The following PTPRT variants were observed in gnomAD, a reference collection of about 807,000 sequenced individuals.
PTPRT encodes the protein protein tyrosine phosphatase receptor type T, also known as receptor-type tyrosine-protein phosphatase T.
Under a neutral mutation model 176.8 loss-of-function variants are expected in PTPRT, and 56 were observed. That is an observed-to-expected ratio of 0.32 (90% CI 0.26 to 0.40). PTPRT has a LOEUF of 0.40. Among genes scored for constraint, PTPRT ranks in the 10% least tolerant of loss-of-function variants. The pLI, the probability that PTPRT is intolerant of heterozygous loss-of-function variation, is 1.00. For synonymous variants in PTPRT, 783 were observed against 739.0 expected, an observed-to-expected ratio of 1.06 and a Z score of -0.96; for missense variants, 1,540 against 1,908.2, an observed-to-expected ratio of 0.81 and a Z score of 3.60.
intron 6 of PTPRT, among the ~76,000 whole-genome samples, chr20:42,678,815 C>T (rs1438179768): frequency 2.0e-5 from 3 of 152,192 alleles, no homozygotes; most frequent in Non-Finnish European, 4.4e-5. Context: ...AAAGGAAAAC[C>T]TGCTTTTGCT....
At chr20:42,796,930 A>C (rs1189358193) in intron 2 of PTPRT, among the ~76,000 whole-genome samples, 1 of 152,228 alleles carries the variant, frequency 6.6e-6, no homozygotes, top group African/African-American at 2.4e-5. Flanking sequence ...AAATGGTTAT[A>C]AAACACATCT....
At chr20:42,358,018 A>G (rs2058381182) in intron 9 of PTPRT, among the ~76,000 whole-genome samples, 1 of 152,150 alleles carries the variant, frequency 6.6e-6, no homozygotes, top group Non-Finnish European at 1.5e-5. Flanking sequence ...AGGAGACATG[A>G]CAACGAAATG....
In PTPRT at chr20:42,596,114, C is replaced by T. The variant is rs552526226; in HGVS notation, c.1153+81752G>A. Among the ~76,000 whole-genome samples, 4 of 152,242 alleles carry T rather than the reference C, an allele frequency of 2.6e-5. No individual in the cohort carries two copies. The South Asian group carries it at 8.3e-4, about 32-fold the overall frequency. On this transcript the variant is annotated intron_variant, in intron 7 of 30. Coordinates refer to ENST00000373187, the MANE Select transcript of PTPRT (RefSeq NM_007050.6). ...GTGATCACAAGAGAGGAGATACAGA[C>T]TTCTTGGTCTCAGGGGATTTGCAAG... is the stretch of plus-strand genomic sequence containing the variant.
intron 8 of PTPRT, among the ~76,000 whole-genome samples, chr20:42,452,860 C>A (rs2070855683): frequency 6.6e-6 from 1 of 152,150 alleles, no homozygotes; most frequent in Non-Finnish European, 1.5e-5. Context: ...TCTGAAATTA[C>A]TGTGTATACC....
intron 1 of PTPRT, among the ~76,000 whole-genome samples, chr20:42,921,406 T>C (rs959156486): frequency 1.3e-5 from 2 of 151,036 alleles, no homozygotes; most frequent in Admixed American, 6.6e-5. Context: ...GATCTCAACA[T>C]AGTGAGATCT....
At chr20:42,468,599 C>G (rs2071139329) in intron 8 of PTPRT, among the ~76,000 whole-genome samples, 1 of 152,104 alleles carries the variant, frequency 6.6e-6, no homozygotes, top group Admixed American at 6.5e-5. Context: ...CATTCCTGCT[C>G]TCATGTTGTT....
Position 42,550,776 on chromosome 20 carries a change from C to T in PTPRT, c.1154-78214G>A, listed in dbSNP as rs150867271. ...CATCTGTGGAATAAAACTGAAAGCC[C>T]TTCCAGAAAACACTGAAAGGAAATA... is the stretch of plus-strand genomic sequence containing the variant. On this transcript the variant is annotated intron_variant, in intron 7 of 30. Coordinates refer to ENST00000373187, the MANE Select transcript of PTPRT (RefSeq NM_007050.6). 3.6e-3 allele frequency among the ~76,000 whole-genome samples: 553 copies of T among 152,232 alleles called. 3 individuals are homozygous for T. The highest frequency in any genetic ancestry group is 0.013 in the African/African-American group (533 of 41,558).
chr20:42,565,143 C>T (rs1451916144), intron 7 of PTPRT, among the ~76,000 whole-genome samples: 3 of 152,086 alleles, frequency 2.0e-5, no homozygotes, highest in Non-Finnish European at 4.4e-5. Flanking sequence ...CTGAAATATC[C>T]CTGGCTGCCC....
intron 1 of PTPRT, among the ~76,000 whole-genome samples, chr20:43,151,559 A>G (rs1324223212): frequency 1.3e-5 from 2 of 151,820 alleles, no homozygotes; most frequent in Non-Finnish European, 1.5e-5. Context: ...AGGTACATCA[A>G]AATTAAGAAA....
intron 16 of PTPRT, among the ~76,000 whole-genome samples, chr20:42,177,885 TTTTC>T (rs1434687775): frequency 6.6e-6 from 1 of 151,426 alleles, no homozygotes; most frequent in East Asian, 2.0e-4. Flanking sequence ...TCTCTCTCTT[TTTTC>T]TTTCTTTCCT....
chr20:42,609,789 C>T (rs1026548994), intron 7 of PTPRT, among the ~76,000 whole-genome samples: 4 of 152,216 alleles, frequency 2.6e-5, no homozygotes, highest in Non-Finnish European at 5.9e-5. Context: ...TCAGCTGACC[C>T]CCACTCCCCC....
rs939581055 is a variant in PTPRT, at chr20:42,596,426, C to T, written c.1153+81440G>A. On this transcript the variant is annotated intron_variant, in intron 7 of 30. Coordinates refer to ENST00000373187, the MANE Select transcript of PTPRT (RefSeq NM_007050.6). The stretch of plus-strand genomic sequence containing the variant: ...TAATTGCTTTCTCATGCCTTTCCTT[C>T]CCACTTCCATACGGAATACCACGGC... Among the ~76,000 whole-genome samples the T allele has an allele frequency of 1.1e-4, 17 of 152,190 alleles. No homozygotes were observed. The East Asian group carries it at 1.3e-3, about 12-fold the overall frequency.
chr20:43,130,681 A>C (rs983581863), intron 1 of PTPRT, among the ~76,000 whole-genome samples: 9 of 152,178 alleles, frequency 5.9e-5, no homozygotes, highest in Non-Finnish European at 1.3e-4. Context: ...AGAATCCAGA[A>C]GAAAATTTCA....
chr20:42,227,052 C>T (rs538067380), intron 15 of PTPRT, among the ~76,000 whole-genome samples: 2 of 152,094 alleles, frequency 1.3e-5, no homozygotes, highest in South Asian at 4.2e-4. Flanking sequence ...CACTTGTCTC[C>T]AGAAAAGCCA....
chr20:42,705,426 G>A (rs564409185), intron 6 of PTPRT, among the ~76,000 whole-genome samples: 48 of 151,892 alleles, frequency 3.2e-4, no homozygotes, highest in South Asian at 8.4e-4. Flanking sequence ...AGGGCGGGGT[G>A]GGGGGAGGTG....
In PTPRT at chr20:42,529,331, G is replaced by A. The variant is rs1366074379; in HGVS notation, c.1154-56769C>T. ...ACGGGGAAGGGCACCGTGAGACCAC[G>A]ACTGTCTAATGAGCCGGGTTTGACA... is the stretch of plus-strand genomic sequence containing the variant. On this transcript the variant is annotated intron_variant, in intron 7 of 30. Coordinates refer to ENST00000373187, the MANE Select transcript of PTPRT (RefSeq NM_007050.6). 5.3e-5 allele frequency among the ~76,000 whole-genome samples: 8 copies of A among 152,152 alleles called. 1 individual carries two copies. Among genetic ancestry groups the A allele is most frequent in the East Asian group, 3.9e-4 (2 of 5,184 alleles).
the PTPRT span, among the ~76,000 whole-genome samples, chr20:42,062,698 GC>G: frequency 6.6e-6 from 1 of 152,024 alleles, no homozygotes; most frequent in Non-Finnish European, 1.5e-5. Context: ...TTCCCTGCAG[GC>G]AGGCCTGCAC....
At chr20:42,435,918 A>G (rs1479622753) in intron 9 of PTPRT, among the ~76,000 whole-genome samples, 2 of 152,190 alleles carry the variant, frequency 1.3e-5, no homozygotes, top group Non-Finnish European at 2.9e-5. Flanking sequence ...CAGTGCATGG[A>G]GGCCAGTGGA....
intron 9 of PTPRT, among the ~76,000 whole-genome samples, chr20:42,442,939 T>C (rs543147984): frequency 6.6e-6 from 1 of 152,260 alleles, no homozygotes; most frequent in Non-Finnish European, 1.5e-5. Flanking sequence ...TCCCAAGAGC[T>C]GAGTCAGAAT....
Sources: allele counts gnomAD v4.1 joint callset (sites outside exome capture counted in the v4.1 genomes callset), GRCh38; gene constraint gnomAD v4.1.1; transcripts MANE v1.5; gene names NCBI Gene and HGNC (gene_info 2026-07-23, HGNC 2026-07-21).